The following NAALADL2 variants were observed in gnomAD, a reference collection of about 807,000 sequenced individuals.
NAALADL2 encodes N-acetylated alpha-linked acidic dipeptidase like 2.
NAALADL2 carries 76 observed loss-of-function variants against 87.2 expected under a neutral mutation model. That is an observed-to-expected ratio of 0.87 (90% CI 0.72 to 1.05). NAALADL2 has a LOEUF of 1.05. Ranked by LOEUF, NAALADL2 falls within the 50% of genes least tolerant of loss-of-function variation. The pLI is 0.00. For synonymous variants in NAALADL2, 354 were observed against 331.0 expected (o/e 1.07, Z -0.75); for missense variants, 1,089 against 945.8 (o/e 1.15, Z -1.99).
chr3:174,576,454 A>T (rs1287142629), intron 2 of NAALADL2, among the ~76,000 whole-genome samples: 2 of 152,190 alleles, frequency 1.3e-5, no homozygotes, highest in Non-Finnish European at 2.9e-5. Flanking sequence ...TTTGAGCTTT[A>T]TAAGAATTAA....
intron 1 of NAALADL2, among the ~76,000 whole-genome samples, chr3:174,964,562 A>G (rs575869064): frequency 6.6e-6 from 1 of 152,254 alleles, no homozygotes; most frequent in East Asian, 1.9e-4. Context: ...AGAATAATCC[A>G]TGAAAAAGAC....
chr3:175,579,095 G>T (rs1484814204), intron 10 of NAALADL2, among the ~76,000 whole-genome samples: 2 of 152,116 alleles, frequency 1.3e-5, no homozygotes, highest in Non-Finnish European at 2.9e-5. Context: ...CTTTCAAAGG[G>T]TGTTTTCTAA....
chr3:175,648,302 G>A (rs2151605), intron 11 of NAALADL2, among the ~76,000 whole-genome samples: 41,614 of 151,678 alleles, frequency 0.27, 6,762 homozygotes, highest in African/African-American at 0.46. Context: ...ACATAACAGG[G>A]TCTTTAAGGA....
intron 6 of NAALADL2, among the ~76,000 whole-genome samples, chr3:175,449,394 C>CTTTT (rs1185888984): frequency 4.1e-5 from 2 of 48,532 alleles, no homozygotes; most frequent in African/African-American, 5.7e-5. Context: ...TAATTTTCTT[C>CTTTT]TTTTTTTTTT....
chr3:175,300,634 C>T (rs12485959), intron 4 of NAALADL2, among the ~76,000 whole-genome samples: 27,385 of 151,182 alleles, frequency 0.18, 2,726 homozygotes, highest in African/African-American at 0.26. Flanking sequence ...AGTGGTGATC[C>T]CCCCTTTATC....
At chr3:175,316,571 T>A (rs1759170637) in intron 4 of NAALADL2, among the ~76,000 whole-genome samples, 1 of 152,170 alleles carries the variant, frequency 6.6e-6, no homozygotes, top group African/African-American at 2.4e-5. Flanking sequence ...TCGTTCTATA[T>A]CTTAAGCTAT....
chr3:175,488,218 T>G (rs1727583741), intron 9 of NAALADL2, among the ~76,000 whole-genome samples: 1 of 152,226 alleles, frequency 6.6e-6, no homozygotes, highest in Non-Finnish European at 1.5e-5. Context: ...CAAAAGAAAT[T>G]GAACAAAGAT....
intron 3 of NAALADL2, among the ~76,000 whole-genome samples, chr3:174,797,286 TC>T (rs1414595063): frequency 6.7e-6 from 1 of 148,538 alleles, no homozygotes; most frequent in Non-Finnish European, 1.5e-5. Flanking sequence ...GGATCTTTTT[TC>T]TTTTGTTTTT....
chr3:175,285,624 C>T (rs1283730795), intron 4 of NAALADL2, among the ~76,000 whole-genome samples: 2 of 152,012 alleles, frequency 1.3e-5, no homozygotes, highest in Non-Finnish European at 2.9e-5. Context: ...GTGCTTTGTC[C>T]TCAAGTTTTT....
intron 2 of NAALADL2, among the ~76,000 whole-genome samples, chr3:174,578,799 C>T (rs538448109): frequency 2.4e-4 from 36 of 151,796 alleles, no homozygotes; most frequent in African/African-American, 8.2e-4. Flanking sequence ...CAGGAAACTC[C>T]ATCAATATAA....
intron 3 of NAALADL2, among the ~76,000 whole-genome samples, chr3:174,807,598 T>C (rs1471925505): frequency 6.6e-6 from 1 of 152,148 alleles, no homozygotes; most frequent in African/African-American, 2.4e-5. Context: ...TTTGCAAGTA[T>C]ATATAAATTG....
intron 10 of NAALADL2, among the ~76,000 whole-genome samples, chr3:175,589,425 T>C (rs1721042774): frequency 1.3e-5 from 2 of 152,030 alleles, no homozygotes; most frequent in Admixed American, 1.3e-4. Context: ...TCTTCCTTCT[T>C]TCCTTCTCTC....
chr3:175,394,247 G>A lies in NAALADL2; in HGVS notation c.1091-52982G>A, dbSNP rs138342094. On this transcript the variant is annotated intron_variant, in intron 5 of 13. Coordinates refer to ENST00000454872, the MANE Select transcript of NAALADL2 (RefSeq NM_207015.3). ...TGGTTGAGAAGATGAAAAAAAAGTC[G>A]GTTAATGGGCACAAATATACAGTTA... 1.4e-3 allele frequency among the ~76,000 whole-genome samples: 216 copies of A among 152,204 alleles called. 1 individual carries two copies. Among genetic ancestry groups the A allele is most frequent in the African/African-American group, 5.1e-3 (210 of 41,542 alleles).
chr3:174,718,215 T>G (rs1029805014), intron 2 of NAALADL2, among the ~76,000 whole-genome samples: 4 of 152,204 alleles, frequency 2.6e-5, no homozygotes, highest in African/African-American at 7.2e-5. Context: ...ATTCTATTTT[T>G]GGGGCTTATT....
At chr3:175,493,173 T>C (rs1019719252) in intron 9 of NAALADL2, among the ~76,000 whole-genome samples, 4 of 152,118 alleles carry the variant, frequency 2.6e-5, no homozygotes, top group Non-Finnish European at 5.9e-5. Context: ...ATGGAGTTTT[T>C]GATGGTTTTC....
At chr3:175,319,743 C>T (rs1759601095) in intron 4 of NAALADL2, among the ~76,000 whole-genome samples, 1 of 152,166 alleles carries the variant, frequency 6.6e-6, no homozygotes, top group Admixed American at 6.5e-5. Flanking sequence ...TGGCTTGAAC[C>T]TGGGAGGTGG....
chr3:174,503,591 G>C (rs1277208818), intron 1 of NAALADL2, among the ~76,000 whole-genome samples: 1 of 151,856 alleles, frequency 6.6e-6, no homozygotes, highest in Non-Finnish European at 1.5e-5. Context: ...TTAATTATTT[G>C]ACTACTTAAG....
intron 11 of NAALADL2, among the ~76,000 whole-genome samples, chr3:175,699,706 C>A (rs546433056): frequency 1.3e-5 from 2 of 152,038 alleles, no homozygotes; most frequent in East Asian, 1.9e-4. Context: ...AACACACATA[C>A]AAATCAGTAT....
intron 2 of NAALADL2, among the ~76,000 whole-genome samples, chr3:174,571,438 G>A (rs971049569): frequency 2.6e-5 from 4 of 151,990 alleles, no homozygotes; most frequent in South Asian, 2.1e-4. Flanking sequence ...GTGTAATGGC[G>A]TGATCTGTGC....
Sources: allele counts gnomAD v4.1 joint callset (sites outside exome capture counted in the v4.1 genomes callset), GRCh38; gene constraint gnomAD v4.1.1; transcripts MANE v1.5; gene names NCBI Gene and HGNC (gene_info 2026-07-23, HGNC 2026-07-21).